Variants in GDPD5 observed in about 807,000 individuals in gnomAD.
GDPD5 encodes the protein glycerophosphodiester phosphodiesterase 2.
Under a neutral mutation model 75.1 loss-of-function variants are expected in GDPD5, and 48 were observed. That is an observed-to-expected ratio of 0.64 (90% CI 0.51 to 0.81). The LOEUF (loss-of-function observed/expected upper bound fraction) is 0.81, where lower values mean the gene tolerates loss of function less well. Ranked by LOEUF, GDPD5 falls within the 40% of genes least tolerant of loss-of-function variation. GDPD5 has a pLI of 0.00. For synonymous variants in GDPD5, 336 were observed against 339.0 expected, an observed-to-expected ratio of 0.99 and a Z score of 0.10; for missense variants, 706 against 822.6, an observed-to-expected ratio of 0.86 and a Z score of 1.73.
At chr11:75,481,270 C>T (rs1949911738) in intron 2 of GDPD5, among the ~76,000 whole-genome samples, 1 of 152,212 alleles carries the variant, frequency 6.6e-6, no homozygotes, top group African/African-American at 2.4e-5. Context: ...ACTACTTCTA[C>T]CACCAGGCCT....
intron 9 of GDPD5, among the ~76,000 whole-genome samples, chr11:75,448,159 C>A (rs574932094): frequency 6.6e-6 from 1 of 152,306 alleles, no homozygotes; most frequent in South Asian, 2.1e-4. Flanking sequence ...CACACACCCC[C>A]ACTTGGCAGG....
rs369624111 is a variant in GDPD5, at chr11:75,444,464, C to T, written c.746G>A (p.Arg249Gln). The T allele has an allele frequency of 1.2e-5, 19 of 1,613,670 alleles. 1 individual carries two copies. Among genetic ancestry groups the T allele is most frequent in the South Asian group, 3.3e-5 (3 of 91,076 alleles). Residue 249 changes from arginine to glutamine, a missense_variant, in exon 10 of 17, where the codon CGG becomes CAG. Arg to Gln is a conservative substitution (Grantham distance 43). Transcript: ENST00000336898. ...GTACAGCTTCTGCTCGAGGGCCTTC[C>T]GGAAGGACATGAGCGTGTGCTCTGG... ...LAPEHTLMSF[R>Q]KALEQKLYGL... is the part of the protein sequence containing the mutation.
At chr11:75,436,176 C>T (rs1399109149) in intron 16 of GDPD5, among the ~76,000 whole-genome samples, 1 of 152,202 alleles carries the variant, frequency 6.6e-6, no homozygotes, top group African/African-American at 2.4e-5. Flanking sequence ...TTCTGGGCAT[C>T]TATGTCCCCA....
At chr11:75,466,203 G>C (rs1346941129) in intron 3 of GDPD5, among the ~76,000 whole-genome samples, 3 of 152,214 alleles carry the variant, frequency 2.0e-5, no homozygotes, top group Admixed American at 2.0e-4. Flanking sequence ...ATGAGCTGGG[G>C]TTGGGGCAAC....
intron 3 of GDPD5, among the ~76,000 whole-genome samples, chr11:75,467,089 C>T (rs1436803558): frequency 1.3e-5 from 2 of 152,208 alleles, no homozygotes. Flanking sequence ...CAAAAGGTCT[C>T]CCCTCCCTGA....
chr11:75,480,904 C>G (rs1949899908), intron 2 of GDPD5, among the ~76,000 whole-genome samples: 1 of 152,200 alleles, frequency 6.6e-6, no homozygotes, highest in South Asian at 2.1e-4. Flanking sequence ...CAGCCATGCT[C>G]ATTCATTTAT....
intron 1 of GDPD5, chr11:75,515,852 G>A (rs528814559): frequency 2.2e-4 from 34 of 152,238 alleles, no homozygotes; most frequent in Non-Finnish European, 4.1e-4. Flanking sequence ...GGAGAGATGG[G>A]TACCTCCAAA....
At chr11:75,440,304 C>T (rs1010692198) in intron 14 of GDPD5, among the ~76,000 whole-genome samples, 1 of 152,134 alleles carries the variant, frequency 6.6e-6, no homozygotes, top group African/African-American at 2.4e-5. Flanking sequence ...CTTTGCCGCC[C>T]CCCGCTGCCG....
intron 1 of GDPD5, among the ~76,000 whole-genome samples, chr11:75,511,957 T>G (rs1406068547): frequency 6.6e-6 from 1 of 152,142 alleles, no homozygotes; most frequent in South Asian, 2.1e-4. Context: ...AAGATTGAGG[T>G]AATGCAAGCA....
At chr11:75,524,943 T>G (rs989390419) in intron 1 of GDPD5, among the ~76,000 whole-genome samples, 2 of 152,128 alleles carry the variant, frequency 1.3e-5, no homozygotes, top group African/African-American at 2.4e-5. Flanking sequence ...AGCCTCAGTT[T>G]CTCCATCTGC....
intron 1 of GDPD5, among the ~76,000 whole-genome samples, chr11:75,503,148 T>C (rs564260792): frequency 6.6e-6 from 1 of 152,366 alleles, no homozygotes. Flanking sequence ...GACTCCTGTG[T>C]AGCTGGGATT....
intron 2 of GDPD5, among the ~76,000 whole-genome samples, chr11:75,489,633 C>T (rs1354755645): frequency 6.6e-6 from 1 of 152,168 alleles, no homozygotes; most frequent in Non-Finnish European, 1.5e-5. Context: ...GAGGTGGAAG[C>T]CCATTCAACC....
chr11:75,479,368 G>A (rs56412430), intron 2 of GDPD5: 8,471 of 152,240 alleles, frequency 0.056, 345 homozygotes, highest in East Asian at 0.13. Flanking sequence ...GGCCCTGTCC[G>A]AGGCCCTGGA....
intron 3 of GDPD5, 146 bp downstream of exon 3, chr11:75,477,472 AT>A: frequency 2.2e-6 from 1 of 464,336 alleles, no homozygotes; most frequent in Non-Finnish European, 3.9e-6. Flanking sequence ...CTATAAGCCC[AT>A]TTTACAGAGG....
At chr11:75,497,134 C>A (rs1950225762) in intron 1 of GDPD5, among the ~76,000 whole-genome samples, 1 of 152,030 alleles carries the variant, frequency 6.6e-6, no homozygotes, top group East Asian at 1.9e-4. Context: ...GGTTTAGGGT[C>A]TCTTGAATTC....
intron 1 of GDPD5, among the ~76,000 whole-genome samples, chr11:75,496,230 G>A (rs1291669499): frequency 1.3e-5 from 2 of 152,228 alleles, no homozygotes; most frequent in African/African-American, 4.8e-5. Context: ...ATCCAGCTGG[G>A]CAGTGGTCAT....
intron 3 of GDPD5, among the ~76,000 whole-genome samples, chr11:75,464,127 A>G (rs1460654604): frequency 1.3e-5 from 2 of 152,194 alleles, no homozygotes; most frequent in African/African-American, 4.8e-5. Context: ...ATTGGGCAGG[A>G]AGGAGGGAAA....
At position 75,437,032 on chromosome 11, in the gene GDPD5, T is replaced by C; in HGVS notation, c.1573A>G (p.Ile525Val). ...ATCTGCTCAGGGTTGTAGCTCCGTA[T>C]GCCACCCAGGCGCCACCTGCAGAGA... ...FVLQKWRLGG[I>V]RSYNPEQIML... is the part of the protein sequence containing the mutation. Residue 525 changes from isoleucine to valine, a missense_variant, in exon 16 of 17, where the codon ATA becomes GTA. By Grantham distance (29) the Ile-to-Val change is conservative. Transcript: ENST00000336898. 1 of 1,613,302 alleles carries C rather than the reference T, an allele frequency of 6.2e-7. No individual in the cohort carries two copies. The highest frequency in any genetic ancestry group is 1.1e-5 in the South Asian group (1 of 91,078).
At chr11:75,441,532 C>A in intron 13 of GDPD5, 114 bp downstream of exon 13, 1 of 1,226,864 alleles carries the variant, frequency 8.2e-7, no homozygotes. Context: ...GTGCCCATCC[C>A]TCTGCCCGAC....
Sources: allele counts gnomAD v4.1 joint callset (sites outside exome capture counted in the v4.1 genomes callset), GRCh38; gene constraint gnomAD v4.1.1; transcripts MANE v1.5; gene names NCBI Gene and HGNC (gene_info 2026-07-23, HGNC 2026-07-21).